MACROD2: variants seen among roughly 807,000 people sequenced by gnomAD.
MACROD2 encodes the protein ADP-ribose glycohydrolase MACROD2.
A neutral mutation model predicts 70.4 loss-of-function variants in MACROD2; 36 were observed. That is an observed-to-expected ratio of 0.51 (90% CI 0.39 to 0.68). The LOEUF (loss-of-function observed/expected upper bound fraction) is 0.68. MACROD2 is among the 30% of genes least tolerant of loss of function. The pLI, the probability that MACROD2 is intolerant of heterozygous loss-of-function variation, is 0.00. For synonymous variants in MACROD2, 172 were observed against 178.8 expected (o/e 0.96, Z 0.30); for missense variants, 496 against 538.4 (o/e 0.92, Z 0.78).
At chr20:14,861,310 T>C (rs1052025442) in intron 5 of MACROD2, among the ~76,000 whole-genome samples, 1 of 152,120 alleles carries the variant, frequency 6.6e-6, no homozygotes, top group Non-Finnish European at 1.5e-5. Context: ...AGAGATGTTG[T>C]TCTCAGTCTT....
chr20:15,886,635 G>A (rs1329155738), intron 10 of MACROD2, among the ~76,000 whole-genome samples: 2 of 152,096 alleles, frequency 1.3e-5, no homozygotes, highest in Non-Finnish European at 1.5e-5. Flanking sequence ...CACTTGTTAT[G>A]AGGAAAATCT....
At chr20:14,020,146 T>A (rs1254576538) in intron 2 of MACROD2, among the ~76,000 whole-genome samples, 7 of 152,210 alleles carry the variant, frequency 4.6e-5, no homozygotes, top group Admixed American at 6.5e-5. Context: ...TGATTTGCAA[T>A]CTGGGATGTA....
At chr20:14,245,566 C>A (rs778852618) in intron 3 of MACROD2, among the ~76,000 whole-genome samples, 24 of 152,100 alleles carry the variant, frequency 1.6e-4, no homozygotes, top group Non-Finnish European at 3.1e-4. Flanking sequence ...AACTCCCAAT[C>A]CATTGCTTAT....
At chr20:15,729,251 G>T (rs1711534489) in intron 8 of MACROD2, among the ~76,000 whole-genome samples, 1 of 152,092 alleles carries the variant, frequency 6.6e-6, no homozygotes, top group African/African-American at 2.4e-5. Context: ...GTCCAAGAGT[G>T]TGTTTGGTAT....
chr20:15,987,248 A>G (rs2066499076), intron 15 of MACROD2, 90 bp downstream of exon 15: 1 of 1,071,934 alleles, frequency 9.3e-7, no homozygotes. Flanking sequence ...TTCTCATGCA[A>G]TTACAGTTTG....
chr20:15,157,692 A>G (rs1601155303), intron 5 of MACROD2, among the ~76,000 whole-genome samples: 1 of 152,100 alleles, frequency 6.6e-6, no homozygotes. Flanking sequence ...ACTGACCTCT[A>G]TGAATTGTAT....
At chr20:14,908,603 C>T (rs1447471733) in intron 5 of MACROD2, among the ~76,000 whole-genome samples, 3 of 151,676 alleles carry the variant, frequency 2.0e-5, no homozygotes, top group Admixed American at 1.3e-4. Context: ...GCGGAGGTTG[C>T]AGTGAGCTGA....
intron 8 of MACROD2, among the ~76,000 whole-genome samples, chr20:15,521,963 A>G (rs950852028): frequency 2.0e-5 from 3 of 152,232 alleles, no homozygotes; most frequent in African/African-American, 7.2e-5. Context: ...TGGTAGAAAG[A>G]ACACCAGAAT....
In MACROD2 at chr20:15,289,658, C is replaced by A. The variant is rs536684384; in HGVS notation, c.540+59597C>A. On this transcript the variant is annotated intron_variant, in intron 6 of 17. Transcript: ENST00000684519. ...ATCAAATGAAATTTTATTATTTTTT[C>A]TTTCTGTGAGATTGGTGATATTGAT... Among the ~76,000 whole-genome samples, 19 of 152,212 alleles carry A rather than the reference C, an allele frequency of 1.2e-4. 2 individuals carry two copies. In the South Asian group the frequency reaches 3.9e-3, roughly 32 times the overall value.
chr20:14,948,862 T>G (rs895240649), intron 5 of MACROD2, among the ~76,000 whole-genome samples: 1 of 152,162 alleles, frequency 6.6e-6, no homozygotes, highest in Non-Finnish European at 1.5e-5. Flanking sequence ...CAAATTATAA[T>G]CATGCCAATG....
intron 5 of MACROD2, among the ~76,000 whole-genome samples, chr20:14,899,241 G>A (rs2073867196): frequency 6.6e-6 from 1 of 152,134 alleles, no homozygotes; most frequent in Non-Finnish European, 1.5e-5. Context: ...TGCTTATTTT[G>A]CTATGCTTTT....
At chr20:15,458,356 T>C (rs1471714217) in intron 7 of MACROD2, among the ~76,000 whole-genome samples, 7 of 152,110 alleles carry the variant, frequency 4.6e-5, no homozygotes, top group Non-Finnish European at 1.5e-5. Flanking sequence ...ATTTTTATGG[T>C]CAAACTCAGG....
At chr20:14,879,254 C>G (rs1018122918) in intron 5 of MACROD2, among the ~76,000 whole-genome samples, 6 of 152,066 alleles carry the variant, frequency 3.9e-5, no homozygotes, top group Non-Finnish European at 5.9e-5. Flanking sequence ...TTTACATGGA[C>G]AGAAAAAGAA....
chr20:14,922,685 G>C (rs2074178292), intron 5 of MACROD2, among the ~76,000 whole-genome samples: 1 of 152,110 alleles, frequency 6.6e-6, no homozygotes, highest in African/African-American at 2.4e-5. Flanking sequence ...ACAGTGACTG[G>C]AACTGATTTT....
At chr20:15,895,847 G>A (rs977742121) in intron 10 of MACROD2, among the ~76,000 whole-genome samples, 3 of 152,232 alleles carry the variant, frequency 2.0e-5, no homozygotes, top group African/African-American at 7.2e-5. Flanking sequence ...GAACCGCATT[G>A]AGGTGCATCC....
At chr20:16,042,470 C>T (rs532624908) in intron 16 of MACROD2, among the ~76,000 whole-genome samples, 1 of 152,102 alleles carries the variant, frequency 6.6e-6, no homozygotes, top group East Asian at 1.9e-4. Flanking sequence ...AGAGATTCAC[C>T]ATACACAGCA....
intron 7 of MACROD2, among the ~76,000 whole-genome samples, chr20:15,481,140 G>A (rs2047091571): frequency 6.6e-6 from 1 of 152,176 alleles, no homozygotes; most frequent in African/African-American, 2.4e-5. Context: ...GAATGCCATA[G>A]TTCTCATTTC....
intron 4 of MACROD2, among the ~76,000 whole-genome samples, chr20:14,568,799 T>C (rs1979978292): frequency 6.6e-6 from 1 of 152,012 alleles, no homozygotes; most frequent in Non-Finnish European, 1.5e-5. Flanking sequence ...TACATTTTTC[T>C]ACGTGAGCGA....
At chr20:15,979,135 G>T (rs2066356475) in intron 13 of MACROD2, among the ~76,000 whole-genome samples, 1 of 152,202 alleles carries the variant, frequency 6.6e-6, no homozygotes, top group Non-Finnish European at 1.5e-5. Flanking sequence ...GAAACTGTAA[G>T]ATGAGGGGTT....
Sources: allele counts gnomAD v4.1 joint callset (sites outside exome capture counted in the v4.1 genomes callset), GRCh38; gene constraint gnomAD v4.1.1; transcripts MANE v1.5; gene names NCBI Gene and HGNC (gene_info 2026-07-23, HGNC 2026-07-21).